BBS9: variants seen among roughly 807,000 people sequenced by gnomAD.
The protein encoded by BBS9 is protein PTHB1.
A neutral mutation model predicts 117.7 loss-of-function variants in BBS9; 89 were observed. That is an observed-to-expected ratio of 0.76 (90% confidence interval 0.64 to 0.90). The LOEUF is 0.90. Among genes scored for constraint, BBS9 ranks in the 40% least tolerant of loss-of-function variants. The probability of loss-of-function intolerance (pLI) is 0.00; values close to 1 mark genes in which losing one functional copy is unlikely to be tolerated. For missense variants in BBS9, 982 were observed against 1,042.2 expected, an observed-to-expected ratio of 0.94 and a Z score of 0.80; for synonymous variants, 379 against 370.9, an observed-to-expected ratio of 1.02 and a Z score of -0.25.
intron 19 of BBS9, among the ~76,000 whole-genome samples, chr7:33,479,103 C>G (rs1032094687): frequency 6.6e-6 from 1 of 152,006 alleles, no homozygotes; most frequent in African/African-American, 2.4e-5. Context: ...TTTCTTCCAA[C>G]TTTAATTTTA....
chr7:33,186,101 C>G (rs183002283), intron 5 of BBS9, among the ~76,000 whole-genome samples: 11 of 152,282 alleles, frequency 7.2e-5, no homozygotes, highest in Admixed American at 5.9e-4. Context: ...TATAAAAGCG[C>G]TTTCTAGCTG....
chr7:33,256,802 A>G (rs1261245726), intron 5 of BBS9, among the ~76,000 whole-genome samples: 2 of 152,164 alleles, frequency 1.3e-5, no homozygotes, highest in Non-Finnish European at 2.9e-5. Context: ...TATGTAATAC[A>G]TTATAGGATA....
chr7:33,504,753 G>C (rs1845910524), intron 19 of BBS9, among the ~76,000 whole-genome samples: 1 of 151,166 alleles, frequency 6.6e-6, no homozygotes. Flanking sequence ...TTTTTCCACA[G>C]AATTATTCAA....
chr7:33,519,755 T>A (rs1303292435), intron 20 of BBS9, among the ~76,000 whole-genome samples: 1 of 152,172 alleles, frequency 6.6e-6, no homozygotes. Context: ...GCAGATCTAA[T>A]GATAACAGAT....
chr7:33,594,222 G>T (rs1862371119), intron 21 of BBS9, among the ~76,000 whole-genome samples: 1 of 152,106 alleles, frequency 6.6e-6, no homozygotes, highest in Non-Finnish European at 1.5e-5. Context: ...GCTCTGAGGT[G>T]TGAAATGGAA....
chr7:33,223,213 C>CA (rs1257323270), intron 5 of BBS9, among the ~76,000 whole-genome samples: 16 of 151,968 alleles, frequency 1.1e-4, no homozygotes, highest in Admixed American at 5.9e-4. Flanking sequence ...TTGTGTATAA[C>CA]AGGATGTATT....
chr7:33,172,883 G>A (rs1796809609), intron 4 of BBS9, among the ~76,000 whole-genome samples: 1 of 152,212 alleles, frequency 6.6e-6, no homozygotes, highest in Admixed American at 6.5e-5. Flanking sequence ...AACATGGCCA[G>A]AAAGGCACCT....
chr7:33,635,224 C>G (rs1451257950), exon 22 of BBS9, among the ~76,000 whole-genome samples: 1 of 88,384 alleles, frequency 1.1e-5, no homozygotes, highest in South Asian at 2.9e-4. Context: ...AAGAATACCC[C>G]ACTCCCTGAG....
chr7:33,588,021 A>G (rs941194384), intron 21 of BBS9, among the ~76,000 whole-genome samples: 1 of 152,060 alleles, frequency 6.6e-6, no homozygotes, highest in African/African-American at 2.4e-5. Context: ...ATGTCTTTAT[A>G]CCTTCTTTTG....
At chr7:33,410,424 A>G (rs1211086013) in intron 19 of BBS9, among the ~76,000 whole-genome samples, 3 of 152,094 alleles carry the variant, frequency 2.0e-5, no homozygotes, top group Non-Finnish European at 2.9e-5. Flanking sequence ...TCTTAGTTTC[A>G]TCTTGGTCAG....
chr7:33,482,771 C>G (rs1263125267), intron 19 of BBS9, among the ~76,000 whole-genome samples: 1 of 152,222 alleles, frequency 6.6e-6, no homozygotes, highest in East Asian at 1.9e-4. Context: ...ATTGGTGCTT[C>G]AGTGATTTTC....
At chr7:33,227,577 G>A (rs977230654) in intron 5 of BBS9, among the ~76,000 whole-genome samples, 2 of 152,076 alleles carry the variant, frequency 1.3e-5, no homozygotes, top group Non-Finnish European at 2.9e-5. Context: ...AGTATACAGT[G>A]TACTCAATAT....
intron 5 of BBS9, among the ~76,000 whole-genome samples, chr7:33,216,964 G>A (rs998852062): frequency 6.2e-4 from 95 of 152,120 alleles, no homozygotes; most frequent in Non-Finnish European, 1.1e-3. Context: ...GGGTGGTGGC[G>A]CACACCTGTA....
intron 6 of BBS9, among the ~76,000 whole-genome samples, chr7:33,260,839 A>G (rs1485344489): frequency 6.6e-6 from 1 of 152,196 alleles, no homozygotes; most frequent in Non-Finnish European, 1.5e-5. Flanking sequence ...TATACCTGCC[A>G]TGGGTGTTAT....
chr7:33,214,521 C>T (rs1239510266), intron 5 of BBS9, among the ~76,000 whole-genome samples: 1 of 152,176 alleles, frequency 6.6e-6, no homozygotes, highest in Non-Finnish European at 1.5e-5. Context: ...GATTTTGTGT[C>T]AGTCCTTTTT....
intron 9 of BBS9, among the ~76,000 whole-genome samples, chr7:33,331,474 G>A (rs905107788): frequency 6.6e-6 from 1 of 152,082 alleles, no homozygotes; most frequent in African/African-American, 2.4e-5. Flanking sequence ...AAGTCAAATT[G>A]TCACTATTTG....
chr7:33,363,638 A>C (rs1376290466), intron 16 of BBS9, among the ~76,000 whole-genome samples: 3 of 150,680 alleles, frequency 2.0e-5, no homozygotes, highest in South Asian at 2.1e-4. Context: ...GAGAACAGAC[A>C]TTGTCTTTCA....
Position 33,383,650 on chromosome 7 carries a change from A to C in BBS9, c.1790-16A>C. The C allele has an allele frequency of 1.3e-6, 2 of 1,591,108 alleles. No homozygotes were observed. The highest frequency in any genetic ancestry group is 1.1e-5 in the South Asian group (1 of 88,792). On this transcript the variant is annotated splice_polypyrimidine_tract_variant and intron_variant, in intron 17 of 22. Transcript: ENST00000242067. ...TCTGTGTTACTAAGCATTTTTCCTT[A>C]ATTTTTTTCTCTCAGAACGATATCG... is the stretch of plus-strand genomic sequence containing the variant.
chr7:33,606,349 A>G (rs1335155942), downstream of BBS9, among the ~76,000 whole-genome samples: 3 of 152,220 alleles, frequency 2.0e-5, no homozygotes, highest in Non-Finnish European at 4.4e-5. Flanking sequence ...TGAAAGAGCA[A>G]CAGAAGGCTG....
Sources: allele counts gnomAD v4.1 joint callset (sites outside exome capture counted in the v4.1 genomes callset), GRCh38; gene constraint gnomAD v4.1.1; transcripts MANE v1.5; gene names NCBI Gene and HGNC (gene_info 2026-07-23, HGNC 2026-07-21).